Variants in GRM1 observed in about 807,000 individuals in gnomAD.
GRM1 encodes glutamate metabotropic receptor 1, also known as metabotropic glutamate receptor 1.
In GRM1, 33 loss-of-function variants were observed where a neutral mutation model predicts 90.9. The ratio of observed to expected loss-of-function variants is 0.36; its 90% CI spans 0.28 to 0.49. The LOEUF is 0.49. GRM1 is among the 20% of genes least tolerant of loss of function. The pLI is 0.99. For missense variants in GRM1, 1,190 were observed against 1,534.3 expected (o/e 0.78, Z 3.75); for synonymous variants, 700 against 613.2 (o/e 1.14, Z -2.09).
At chr6:146,331,141 C>T (rs138116885) in intron 3 of GRM1, among the ~76,000 whole-genome samples, 279 of 152,238 alleles carry the variant, frequency 1.8e-3, no homozygotes, top group African/African-American at 6.0e-3. Context: ...CTCAGAAGAG[C>T]GGCTGATAGG....
intron 1 of GRM1, among the ~76,000 whole-genome samples, chr6:146,155,153 G>A (rs1411102067): frequency 6.6e-6 from 1 of 152,076 alleles, no homozygotes; most frequent in Non-Finnish European, 1.5e-5. Context: ...AGGGGAAAAA[G>A]AAAAATAAAG....
chr6:146,237,629 G>T (rs1254604837), intron 2 of GRM1, among the ~76,000 whole-genome samples: 1 of 151,972 alleles, frequency 6.6e-6, no homozygotes, highest in Non-Finnish European at 1.5e-5. Flanking sequence ...ATAAAAGGAG[G>T]ACTGTCCCTT....
chr6:146,054,980 A>C (rs1171772424), intron 1 of GRM1, among the ~76,000 whole-genome samples: 2 of 151,938 alleles, frequency 1.3e-5, no homozygotes, highest in African/African-American at 2.4e-5. Context: ...AGGGGAGCTG[A>C]GTGCTGGATG....
At position 146,422,185 on chromosome 6, in the gene GRM1, T is replaced by G. The variant is rs138187343; in HGVS notation, c.2661-11687T>G. 3.0e-4 allele frequency among the ~76,000 whole-genome samples: 45 copies of G among 152,250 alleles called. No individual in the cohort carries two copies. The East Asian group carries it at 7.3e-3, about 25-fold the overall frequency. Reference sequence around the variant, plus strand: ...CTCCAAACCTCCGAAAACATGCAACTTCATAGACAGCTAACCTGACTGTGT... The same window carrying G: ...CTCCAAACCTCCGAAAACATGCAACGTCATAGACAGCTAACCTGACTGTGT... On this transcript the variant is annotated intron_variant, in intron 7 of 7. Coordinates refer to ENST00000282753, the MANE Select transcript of GRM1 (RefSeq NM_001278064.2).
chr6:146,434,628 G>A lies in GRM1; in HGVS notation c.3417G>A (p.Pro1139=). The change falls in exon 8 of 8, where the codon CCG becomes CCA. Residue 1139 remains proline, a synonymous_variant. Transcript: ENST00000282753. ...TGCAGGCGGCCAGCAAACTGACCCC[G>A]GATGATTCGCCTGCGCTGACGCCTC... ...EDLQAASKLT[P]DDSPALTPPS... is the part of the protein sequence containing the mutation. The A allele has an allele frequency of 3.7e-6, 6 of 1,612,138 alleles. No homozygotes were observed. The highest frequency in any genetic ancestry group is 1.6e-4 in the Middle Eastern group (1 of 6,062).
chr6:146,370,634 T>G (rs1363913305), intron 5 of GRM1, among the ~76,000 whole-genome samples: 1 of 151,994 alleles, frequency 6.6e-6, no homozygotes, highest in African/African-American at 2.4e-5. Context: ...TAAACAGAAG[T>G]TGATTAATTG....
intron 1 of GRM1, among the ~76,000 whole-genome samples, chr6:146,114,959 C>T (rs1038821469): frequency 3.3e-5 from 5 of 151,998 alleles, no homozygotes; most frequent in African/African-American, 9.7e-5. Context: ...CAAAGGCTTA[C>T]CTAAGGACTA....
rs1331645 is a variant in GRM1, at chr6:146,077,271, C to T, written c.700+47054C>T. 2.9e-4 allele frequency among the ~76,000 whole-genome samples: 44 copies of T among 151,934 alleles called. 1 individual carries two copies. The highest frequency in any genetic ancestry group is 2.6e-3 in the Admixed American group (40 of 15,254). On this transcript the variant is annotated intron_variant, in intron 1 of 7. Transcript: ENST00000282753. The stretch of plus-strand genomic sequence containing the variant: ...GAGCTATGTGTACCACCATTGCTAA[C>T]GCACACACAGACAGATACATGCAAC...
chr6:146,152,956 A>T (rs887442670), intron 1 of GRM1, among the ~76,000 whole-genome samples: 16 of 152,210 alleles, frequency 1.1e-4, no homozygotes, highest in Non-Finnish European at 1.9e-4. Flanking sequence ...AATTATCTAG[A>T]TAAATTCTTC....
At chr6:146,218,477 A>G (rs1436864215) in intron 2 of GRM1, among the ~76,000 whole-genome samples, 1 of 152,232 alleles carries the variant, frequency 6.6e-6, no homozygotes, top group Non-Finnish European at 1.5e-5. Flanking sequence ...ATTCATGAGT[A>G]TTGAGTCTTT....
intron 2 of GRM1, among the ~76,000 whole-genome samples, chr6:146,298,143 C>A (rs953808635): frequency 6.6e-6 from 1 of 152,132 alleles, no homozygotes; most frequent in Non-Finnish European, 1.5e-5. Flanking sequence ...ATTTTATAAA[C>A]CCCTAACTTC....
intron 2 of GRM1, among the ~76,000 whole-genome samples, chr6:146,182,764 A>G (rs1778597904): frequency 6.6e-6 from 1 of 152,096 alleles, no homozygotes; most frequent in Non-Finnish European, 1.5e-5. Flanking sequence ...AGACATACAT[A>G]CTGGGGTTAA....
rs541823891 is a variant in GRM1 at position 146,213,734 on chromosome 6, A to G, written c.950+54137A>G. Among the ~76,000 whole-genome samples the G allele has an allele frequency of 9.5e-4, 140 of 147,540 alleles. 1 individual carries two copies. The highest frequency in any genetic ancestry group is 1.2e-3 in the East Asian group (6 of 5,102). On this transcript the variant is annotated intron_variant, in intron 2 of 7. Coordinates refer to ENST00000282753, the MANE Select transcript of GRM1 (RefSeq NM_001278064.2). ...TAGATAGATAGATAGATAGATAGAT[A>G]GATGGATGAAAGGAGATTTATTGGG...
chr6:146,257,744 T>C (rs1781539030), intron 2 of GRM1, among the ~76,000 whole-genome samples: 1 of 151,952 alleles, frequency 6.6e-6, no homozygotes, highest in Non-Finnish European at 1.5e-5. Flanking sequence ...AAATTTCCCC[T>C]TTCATCTTTT....
intron 5 of GRM1, 67 bp from the exon 6 acceptor site, chr6:146,386,823 C>A: frequency 8.1e-7 from 1 of 1,230,092 alleles, no homozygotes; most frequent in Non-Finnish European, 1.2e-6. Context: ...GAAAACAAAT[C>A]CTCATCTGAA....
At chr6:146,216,605 A>G (rs2114663038) in intron 2 of GRM1, among the ~76,000 whole-genome samples, 1 of 152,362 alleles carries the variant, frequency 6.6e-6, no homozygotes, top group Admixed American at 6.5e-5. Flanking sequence ...AGTTGGCTAC[A>G]CAATTTAACA....
intron 1 of GRM1, among the ~76,000 whole-genome samples, chr6:146,070,833 T>C (rs1449400852): frequency 2.6e-5 from 4 of 152,134 alleles, no homozygotes; most frequent in African/African-American, 9.6e-5. Context: ...CTTGGGACTT[T>C]ACAATAAAAA....
At chr6:146,412,499 A>C (rs1365865597) in intron 7 of GRM1, among the ~76,000 whole-genome samples, 3 of 152,118 alleles carry the variant, frequency 2.0e-5, no homozygotes, top group Non-Finnish European at 2.9e-5. Flanking sequence ...TCTGCTTATC[A>C]CACTACCCAT....
intron 2 of GRM1, among the ~76,000 whole-genome samples, chr6:146,191,192 A>T (rs983567413): frequency 6.6e-6 from 1 of 152,156 alleles, no homozygotes; most frequent in Admixed American, 6.5e-5. Flanking sequence ...GCTTCTTGCC[A>T]TCGTGCCCCC....
Sources: allele counts gnomAD v4.1 joint callset (sites outside exome capture counted in the v4.1 genomes callset), GRCh38; gene constraint gnomAD v4.1.1; transcripts MANE v1.5; gene names NCBI Gene and HGNC (gene_info 2026-07-23, HGNC 2026-07-21).